Variants in CFAP126 observed in about 807,000 individuals in gnomAD.
CFAP126 encodes cilia and flagella associated protein 126.
In CFAP126, 21 loss-of-function variants were observed where a neutral mutation model predicts 17.1. That is an observed-to-expected ratio of 1.23 (90% CI 0.87 to 1.77). CFAP126 has a LOEUF of 1.77. CFAP126 is among the 40% of genes most tolerant of loss of function. CFAP126 has a pLI of 0.00. For missense variants in CFAP126, 174 were observed against 215.4 expected (o/e 0.81, Z 1.20); for synonymous variants, 65 against 73.5 (o/e 0.88, Z 0.59).
intron 1 of CFAP126, chr1:161,366,956 G>A (rs963838144): frequency 1.1e-5 from 2 of 176,804 alleles, no homozygotes; most frequent in Non-Finnish European, 2.4e-5. Flanking sequence ...AAATTTACTT[G>A]TAGAGACGAG....
At chr1:161,366,114 TAATGGCTGTGAGAGACTGCAC>T (rs1394540487) in intron 3 of CFAP126, 63 bp downstream of exon 3, 24 of 1,152,966 alleles carry the variant, frequency 2.1e-5, no homozygotes, top group Non-Finnish European at 3.0e-5. Context: ...ATTTTCCCGA[TAATGGCTGTGAGAGACTGCAC>T]ATCTCCCAGT....
Position 161,366,501 on chromosome 1 carries a change from A to G in CFAP126, c.28T>C (p.Tyr10His), listed in dbSNP as rs1295036418. The G allele has an allele frequency of 3.7e-6, 6 of 1,613,706 alleles. No homozygotes were observed. In the African/African-American group the frequency reaches 6.7e-5, roughly 18 times the overall value. ...TACTTGGATGAGAAAGCCTTTTCAT[A>G]CTGTGGAGAGAAAGATAAGTAGCCC... Reference protein sequence around the residue: MATNYSANQYEKAFSSKYLQ... With the variant: MATNYSANQHEKAFSSKYLQ... The change falls in exon 2 of 5, where the codon TAT becomes CAT. Residue 10 changes from tyrosine to histidine, a missense_variant and splice_region_variant. Coordinates refer to ENST00000367974, the MANE Select transcript of CFAP126 (RefSeq NM_001013625.4).
intron 1 of CFAP126, chr1:161,367,129 T>A (rs536228220): frequency 2.0e-5 from 3 of 152,410 alleles, no homozygotes; most frequent in African/African-American, 7.2e-5. Flanking sequence ...TATAATTTTT[T>A]AAATACTGAT....
intron 2 of CFAP126, 43 bp downstream of exon 2, chr1:161,366,392 CAGGG>C (rs1558189256): frequency 2.5e-6 from 4 of 1,588,372 alleles, no homozygotes; most frequent in South Asian, 2.2e-5. Flanking sequence ...AGTTAATTGA[CAGGG>C]AGAGCATGAG....
At chr1:161,367,575 C>T (rs1672776252) in intron 1 of CFAP126, 1 of 388,426 alleles carries the variant, frequency 2.6e-6, no homozygotes, top group Admixed American at 4.4e-5. Flanking sequence ...TTTGACTTTG[C>T]CACTTGGCCT....
chr1:161,365,508 G>C lies in CFAP126; in HGVS notation c.348+18C>G. The C allele has an allele frequency of 1.2e-6, 2 of 1,613,114 alleles. No homozygotes were observed. The highest frequency in any genetic ancestry group is 1.7e-6 in the Non-Finnish European group (2 of 1,179,074). ...ATTGAGACTACAGGGTTTTGGGTTA[G>C]ATGGGAAGAATAGATACCTTGCCTA... On this transcript the variant is annotated intron_variant, in intron 4 of 4. Coordinates refer to ENST00000367974, the MANE Select transcript of CFAP126 (RefSeq NM_001013625.4).
intron 1 of CFAP126, 29 bp from the exon 2 acceptor site, chr1:161,366,530 G>A (rs762213862): frequency 6.3e-7 from 1 of 1,599,492 alleles, no homozygotes; most frequent in Non-Finnish European, 8.6e-7. Flanking sequence ...GTAGCCCTAT[G>A]AGACTTCAAG....
intron 1 of CFAP126, 39 bp downstream of exon 1, chr1:161,367,803 C>G (rs1352883619): frequency 1.3e-6 from 2 of 1,590,888 alleles, no homozygotes; most frequent in Non-Finnish European, 1.7e-6. Context: ...ATCTGAAAAA[C>G]AAAAGTAAAC....
chr1:161,366,172 T>G, intron 3 of CFAP126, 26 bp downstream of exon 3: 1 of 1,540,366 alleles, frequency 6.5e-7, no homozygotes, highest in Non-Finnish European at 9.0e-7. Context: ...TTGACTTTCT[T>G]GATAGGAGTG....
At position 161,364,805 on chromosome 1, in the gene CFAP126, G is replaced by C. The variant is rs1672667986; in HGVS notation, c.*160C>G. On this transcript the variant is annotated 3_prime_UTR_variant, in exon 5 of 5. Transcript: ENST00000367974. ...CACCCCAAAATTTCCCTGTTTCACA[G>C]TTCTGACTGGGGGCTCTTGTTTATT... 1 of 722,632 alleles carries C rather than the reference G, an allele frequency of 1.4e-6. No individual in the cohort carries two copies. The allele number at this position is 722,632 out of a possible 1,614,324, so 44.8% of individuals were successfully genotyped here. A position where few individuals can be genotyped will look rare whatever the true frequency, so the allele number is the denominator to read the frequency against.
Position 161,365,233 on chromosome 1 carries a change from C to G in CFAP126, c.349-83G>C, listed in dbSNP as rs758937418. ...CTAATGCACCTCAGGATTCTAACTCCCTTTCTCCCCATACCATGGGCAGTA... is the reference window on the plus strand; with the variant it reads ...CTAATGCACCTCAGGATTCTAACTCGCTTTCTCCCCATACCATGGGCAGTA... On this transcript the variant is annotated intron_variant, in intron 4 of 4. Transcript: ENST00000367974. 11 of 1,366,416 alleles carry G rather than the reference C, an allele frequency of 8.1e-6. No homozygotes were observed. In the East Asian group the frequency reaches 2.5e-4, roughly 32 times the overall value. 84.6% of individuals were successfully genotyped at this position (1,366,416 alleles called of 1,614,324 possible).
chr1:161,366,531 A>C, intron 1 of CFAP126, 30 bp from the exon 2 acceptor site: 2 of 1,600,304 alleles, frequency 1.2e-6, no homozygotes, highest in Non-Finnish European at 8.6e-7. Context: ...TAGCCCTATG[A>C]GACTTCAAGG....
At chr1:161,365,226 C>G (rs1192047847) in intron 4 of CFAP126, 76 bp from the exon 5 acceptor site, 4 of 1,424,494 alleles carry the variant, frequency 2.8e-6, no homozygotes, top group Non-Finnish European at 2.9e-6. Context: ...CCTCAGGATT[C>G]TAACTCCCTT....
intron 1 of CFAP126, chr1:161,366,735 G>A (rs1324606800): frequency 1.9e-6 from 1 of 531,706 alleles, no homozygotes; most frequent in Non-Finnish European, 3.3e-6. Context: ...AAATTGAGGT[G>A]CTTTGTAAAT....
At chr1:161,366,780 T>TA in intron 1 of CFAP126, 1 of 432,236 alleles carries the variant, frequency 2.3e-6, no homozygotes, top group Non-Finnish European at 4.1e-6. Flanking sequence ...TTTTTTCTTT[T>TA]CTTTTTTTTT....
intron 2 of CFAP126, 51 bp downstream of exon 2, chr1:161,366,388 T>C: frequency 6.3e-7 from 1 of 1,585,862 alleles, no homozygotes; most frequent in Non-Finnish European, 8.7e-7. Flanking sequence ...AAGGAGTTAA[T>C]TGACAGGGAG....
At chr1:161,365,211 A>G (rs765611632) in intron 4 of CFAP126, 61 bp from the exon 5 acceptor site, 10 of 1,509,770 alleles carry the variant, frequency 6.6e-6, no homozygotes, top group Non-Finnish European at 9.2e-6. Context: ...ATCATTCCTA[A>G]TGCACCTCAG....
At position 161,365,692 on chromosome 1, in the gene CFAP126, C is replaced by T; in HGVS notation, c.182G>A (p.Trp61Ter). The change falls in exon 4 of 5, where the codon TGG becomes TAG. Residue 61 changes from tryptophan (W) to a stop codon, truncating the protein, a stop_gained. Transcript: ENST00000367974. LOFTEE classifies it high-confidence loss of function. ...TTGCCAGGTGCCCATGAAGGAACCC[C>T]AAGGATTTGCCTAAAAATGAAAAGG... is the stretch of plus-strand genomic sequence containing the variant. Reference protein sequence around the residue: ...PSVPRSKANPWGSFMGTWQMP... With the variant: ...PSVPRSKANP The T allele has an allele frequency of 1.3e-6, 2 of 1,587,346 alleles. No individual in the cohort carries two copies. The highest frequency in any genetic ancestry group is 1.7e-6 in the Non-Finnish European group (2 of 1,167,812).
intron 1 of CFAP126, chr1:161,366,727 A>T (rs1007035822): frequency 1.3e-5 from 7 of 548,778 alleles, no homozygotes; most frequent in Non-Finnish European, 2.2e-5. Context: ...ACTAGTTCAA[A>T]TTGAGGTGCT....
Sources: gnomAD v4.1 joint callset for allele counts on GRCh38, gnomAD v4.1.1 for gene constraint, MANE v1.5 for transcripts, NCBI Gene and HGNC (gene_info 2026-07-23, HGNC 2026-07-21) for gene names.